Variants in TBCEL observed in about 807,000 individuals in gnomAD.
The protein encoded by TBCEL is tubulin folding cofactor E like, also known as tubulin-specific chaperone cofactor E-like protein.
TBCEL carries 15 observed loss-of-function variants against 44.2 expected under a neutral mutation model. The ratio of observed to expected loss-of-function variants is 0.34; its 90% CI spans 0.23 to 0.52. The LOEUF is 0.52. Among genes scored for constraint, TBCEL ranks in the 20% least tolerant of loss-of-function variants. The pLI is 0.95. For synonymous variants in TBCEL, 171 were observed against 185.4 expected, an observed-to-expected ratio of 0.92 and a Z score of 0.63; for missense variants, 319 against 506.3, an observed-to-expected ratio of 0.63 and a Z score of 3.55.
chr11:121,037,703 ATATC>A (rs1436459222), intron 2 of TBCEL, among the ~76,000 whole-genome samples: 1 of 152,208 alleles, frequency 6.6e-6, no homozygotes, highest in African/African-American at 2.4e-5. Context: ...TAAAAAATAT[ATATC>A]TACATAGCAT....
intron 1 of TBCEL, among the ~76,000 whole-genome samples, chr11:121,034,691 G>A (rs879569025): frequency 5.3e-5 from 8 of 152,226 alleles, no homozygotes; most frequent in Admixed American, 5.2e-4. Flanking sequence ...ACAGTTTGAA[G>A]TCACAAGACA....
At chr11:121,085,176 C>G (rs1329683422) in intron 8 of TBCEL, among the ~76,000 whole-genome samples, 1 of 151,898 alleles carries the variant, frequency 6.6e-6, no homozygotes, top group Non-Finnish European at 1.5e-5. Context: ...GTAGCTGGGA[C>G]TACAGGCGCG....
intron 1 of TBCEL, among the ~76,000 whole-genome samples, chr11:121,034,880 A>G (rs1229990187): frequency 6.6e-6 from 1 of 152,174 alleles, no homozygotes; most frequent in African/African-American, 2.4e-5. Context: ...TCATCTCTAA[A>G]GTATATATTG....
intron 2 of TBCEL, among the ~76,000 whole-genome samples, chr11:121,042,556 T>A (rs1945353406): frequency 6.6e-6 from 1 of 152,166 alleles, no homozygotes; most frequent in African/African-American, 2.4e-5. Context: ...AACAAACTCT[T>A]ATCTTTTAGC....
intron 8 of TBCEL, among the ~76,000 whole-genome samples, chr11:121,063,365 C>A (rs1174584358): frequency 1.3e-5 from 2 of 152,120 alleles, no homozygotes; most frequent in Admixed American, 6.5e-5. Flanking sequence ...AAAAATTATT[C>A]TTATCTGCCC....
intron 4 of TBCEL, among the ~76,000 whole-genome samples, chr11:121,049,936 A>G (rs1945500610): frequency 6.6e-6 from 1 of 151,740 alleles, no homozygotes; most frequent in African/African-American, 2.4e-5. Context: ...TTTATACTGT[A>G]TTTATACTCA....
At chr11:121,062,054 T>C (rs1380534078) in intron 8 of TBCEL, among the ~76,000 whole-genome samples, 1 of 152,110 alleles carries the variant, frequency 6.6e-6, no homozygotes, top group African/African-American at 2.4e-5. Flanking sequence ...AGCATTATTT[T>C]TAAAATTTTA....
chr11:121,052,848 A>G (rs1945553227), intron 4 of TBCEL, among the ~76,000 whole-genome samples: 1 of 151,890 alleles, frequency 6.6e-6, no homozygotes, highest in Non-Finnish European at 1.5e-5. Context: ...AATTTAATGA[A>G]TAAACTATAT....
intron 8 of TBCEL, among the ~76,000 whole-genome samples, chr11:121,063,331 C>G (rs1403452452): frequency 6.6e-6 from 1 of 152,104 alleles, no homozygotes; most frequent in African/African-American, 2.4e-5. Context: ...TCTACGCATA[C>G]ATTTTCCCCA....
At chr11:121,071,990 C>G (rs1448384599) in intron 8 of TBCEL, among the ~76,000 whole-genome samples, 1 of 152,180 alleles carries the variant, frequency 6.6e-6, no homozygotes, top group Non-Finnish European at 1.5e-5. Context: ...ACACAGCACT[C>G]CTAGCACTCC....
chr11:121,052,011 T>A (rs940310698), intron 4 of TBCEL, among the ~76,000 whole-genome samples: 7 of 151,946 alleles, frequency 4.6e-5, no homozygotes, highest in African/African-American at 1.7e-4. Flanking sequence ...AAAAGAAAGA[T>A]ATTCAGGTTG....
intron 8 of TBCEL, among the ~76,000 whole-genome samples, chr11:121,081,372 C>T (rs984614278): frequency 6.6e-6 from 1 of 152,146 alleles, no homozygotes; most frequent in Non-Finnish European, 1.5e-5. Context: ...GTAATACATC[C>T]TTATCGGTAA....
intron 2 of TBCEL, among the ~76,000 whole-genome samples, chr11:121,040,192 T>G (rs1591384857): frequency 6.6e-6 from 1 of 152,062 alleles, no homozygotes; most frequent in Non-Finnish European, 1.5e-5. Flanking sequence ...CAGTCAGAGG[T>G]GACAGAGAGG....
At chr11:121,058,296 T>G in intron 6 of TBCEL, 49 bp from the exon 7 acceptor site, 1 of 1,594,650 alleles carries the variant, frequency 6.3e-7, no homozygotes, top group Non-Finnish European at 8.6e-7. Context: ...TTTCTCTTCT[T>G]ATTTATGTGC....
At chr11:121,040,895 C>T (rs554132625) in intron 2 of TBCEL, among the ~76,000 whole-genome samples, 2 of 152,184 alleles carry the variant, frequency 1.3e-5, no homozygotes, top group East Asian at 1.9e-4. Flanking sequence ...AGTCAACTGT[C>T]GATACTACTT....
intron 6 of TBCEL, among the ~76,000 whole-genome samples, chr11:121,057,263 G>C (rs1945638831): frequency 6.6e-6 from 1 of 151,740 alleles, no homozygotes; most frequent in Non-Finnish European, 1.5e-5. Flanking sequence ...AAAATAGGAT[G>C]GGACTATGTT....
intron 8 of TBCEL, among the ~76,000 whole-genome samples, chr11:121,075,976 A>G (rs1158414395): frequency 6.6e-6 from 1 of 151,816 alleles, no homozygotes; most frequent in East Asian, 1.9e-4. Flanking sequence ...TTGATTTTAT[A>G]CCTTTGTCAG....
intron 6 of TBCEL, among the ~76,000 whole-genome samples, chr11:121,055,718 A>G (rs549240654): frequency 1.3e-5 from 2 of 151,844 alleles, no homozygotes; most frequent in African/African-American, 2.4e-5. Flanking sequence ...ATTGATTGTC[A>G]GTTTATTGCC....
In TBCEL at chr11:121,089,363, A is replaced by G. The variant is rs1946260690; in HGVS notation, c.*2267A>G. 1.3e-5 allele frequency: 2 copies of G among 152,194 alleles called. No individual in the cohort carries two copies. Among genetic ancestry groups the G allele is most frequent in the Admixed American group, 1.3e-4 (2 of 15,264 alleles). 9.4% of individuals were successfully genotyped at this position (152,194 alleles called of 1,614,324 possible). The stretch of plus-strand genomic sequence containing the variant: ...CAACTGCGGACATAATTCTTTTATT[A>G]TACAGTTGCATGTAAAGGGAGCTTC... On this transcript the variant is annotated 3_prime_UTR_variant, in exon 9 of 9. Transcript: ENST00000683345.
Sources: gnomAD v4.1 joint callset for allele counts (sites outside exome capture counted in the v4.1 genomes callset) on GRCh38, gnomAD v4.1.1 for gene constraint, MANE v1.5 for transcripts, NCBI Gene and HGNC (gene_info 2026-07-23, HGNC 2026-07-21) for gene names.